CCSER1: variants seen among roughly 807,000 people sequenced by gnomAD.
CCSER1 encodes serine-rich coiled-coil domain-containing protein 1.
A neutral mutation model predicts 82.0 loss-of-function variants in CCSER1; 41 were observed. The ratio of observed to expected loss-of-function variants is 0.50; its 90% confidence interval spans 0.39 to 0.65. The LOEUF is 0.65. CCSER1 is among the 30% of genes least tolerant of loss of function. The pLI, the probability that CCSER1 is intolerant of heterozygous loss-of-function variation, is 0.00. For synonymous variants in CCSER1, 414 were observed against 383.9 expected, an observed-to-expected ratio of 1.08 and a Z score of -0.92; for missense variants, 1,119 against 1,064.2, an observed-to-expected ratio of 1.05 and a Z score of -0.72.
Position 90,985,769 on chromosome 4 carries a change from G to A in CCSER1, c.2172+62322G>A, listed in dbSNP as rs184499069. On this transcript the variant is annotated intron_variant, in intron 9 of 10. Transcript: ENST00000509176. ...AATTTTCTCCCTGCAACTAATGACC[G>A]CCCACTTGTATTTTAGGAATGTGTT... 1.2e-4 allele frequency among the ~76,000 whole-genome samples: 18 copies of A among 151,374 alleles called. No individual in the cohort carries two copies. The East Asian group carries it at 1.8e-3, about 15-fold the overall frequency.
In CCSER1 at chr4:90,536,051, G is replaced by C. The variant is rs1340464886; in HGVS notation, c.1724+67697G>C. Among the ~76,000 whole-genome samples the C allele has an allele frequency of 3.0e-4, 8 of 26,408 alleles. No homozygotes were observed. In the East Asian group the frequency reaches 6.3e-3, roughly 21 times the overall value. The allele number at this position is 26,408 out of a possible 152,430, so 17.3% of individuals were successfully genotyped here. On this transcript the variant is annotated intron_variant, in intron 5 of 10. Transcript: ENST00000509176. ...TTTCTGTTTTTTTTTTTTTTTTTTT[G>C]AGACGGAGTCTTGCTTTGTCGCCCA...
chr4:90,472,123 C>T (rs1304710227), intron 5 of CCSER1, among the ~76,000 whole-genome samples: 1 of 152,138 alleles, frequency 6.6e-6, no homozygotes, highest in Non-Finnish European at 1.5e-5. Context: ...TTGAATTTTA[C>T]AGTCTTCACA....
intron 4 of CCSER1, among the ~76,000 whole-genome samples, chr4:90,411,605 A>G (rs1327292124): frequency 1.3e-5 from 2 of 152,244 alleles, no homozygotes; most frequent in Non-Finnish European, 2.9e-5. Flanking sequence ...TAAATTAGGT[A>G]TTGATGGGAT....
intron 4 of CCSER1, among the ~76,000 whole-genome samples, chr4:90,467,209 AC>A (rs2153587423): frequency 6.6e-6 from 1 of 152,058 alleles, no homozygotes; most frequent in Admixed American, 6.6e-5. Context: ...ACATGGTGAA[AC>A]CCCGTCTCTA....
At chr4:90,935,206 T>C (rs1042239699) in intron 9 of CCSER1, among the ~76,000 whole-genome samples, 39 of 152,138 alleles carry the variant, frequency 2.6e-4, no homozygotes, top group African/African-American at 9.4e-4. Flanking sequence ...AGATGGGGTT[T>C]AATGGGAGAA....
chr4:90,962,842 A>T (rs998998049), intron 9 of CCSER1, among the ~76,000 whole-genome samples: 1 of 152,118 alleles, frequency 6.6e-6, no homozygotes, highest in Non-Finnish European at 1.5e-5. Flanking sequence ...CTATTTTAAT[A>T]TTCATTTATT....
intron 10 of CCSER1, among the ~76,000 whole-genome samples, chr4:91,454,869 C>T (rs1289611785): frequency 6.6e-6 from 1 of 151,802 alleles, no homozygotes; most frequent in Non-Finnish European, 1.5e-5. Context: ...TTCCCTTGTT[C>T]TAACCCTTTT....
intron 1 of CCSER1, among the ~76,000 whole-genome samples, chr4:90,228,673 G>A (rs1005657793): frequency 1.1e-4 from 16 of 152,142 alleles, no homozygotes; most frequent in African/African-American, 2.7e-4. Flanking sequence ...AAATTACTCC[G>A]AGCTACAGGA....
intron 3 of CCSER1, among the ~76,000 whole-genome samples, chr4:90,355,691 C>G (rs183591625): frequency 5.9e-5 from 9 of 152,034 alleles, no homozygotes; most frequent in Non-Finnish European, 1.5e-5. Flanking sequence ...GTCTATTACT[C>G]TTCTTAATCT....
At chr4:90,533,393 CCT>C (rs545767846) in intron 5 of CCSER1, among the ~76,000 whole-genome samples, 9 of 152,166 alleles carry the variant, frequency 5.9e-5, no homozygotes, top group Non-Finnish European at 1.0e-4. Context: ...CTGCTCCTGG[CCT>C]CTCTCTGTTT....
Position 90,702,692 on chromosome 4 carries a change from T to C in CCSER1, c.1933-21222T>C, listed in dbSNP as rs151028891. On this transcript the variant is annotated intron_variant, in intron 6 of 10. Coordinates refer to ENST00000509176, the MANE Select transcript of CCSER1 (RefSeq NM_001145065.2). ...TAACGGATTCAACTTATTCCTGGTT[T>C]AGTCTTGGGAGGGTGTATGTGTCCA... Among the ~76,000 whole-genome samples the C allele has an allele frequency of 4.9e-3, 748 of 152,318 alleles. 7 individuals carry two copies. The highest frequency in any genetic ancestry group is 0.017 in the African/African-American group (710 of 41,564).
intron 10 of CCSER1, among the ~76,000 whole-genome samples, chr4:91,411,491 C>CATAT (rs770013398): frequency 0.04 from 2,116 of 53,452 alleles, 130 homozygotes; most frequent in East Asian, 0.1. Flanking sequence ...TGCATATATA[C>CATAT]ATATATATAT....
intron 1 of CCSER1, among the ~76,000 whole-genome samples, chr4:90,276,251 TTTCC>T (rs1225474182): frequency 0.024 from 1,824 of 76,044 alleles, 111 homozygotes; most frequent in Middle Eastern, 0.026. Context: ...TCTTTCTTTC[TTTCC>T]TTCCTTCCTT....
intron 10 of CCSER1, among the ~76,000 whole-genome samples, chr4:91,400,207 T>C (rs1423089362): frequency 2.6e-5 from 4 of 151,968 alleles, no homozygotes; most frequent in Non-Finnish European, 4.4e-5. Context: ...TCTTGCTTGG[T>C]TTTTCAGATT....
intron 6 of CCSER1, among the ~76,000 whole-genome samples, chr4:90,645,750 C>G (rs1452630259): frequency 6.6e-6 from 1 of 152,102 alleles, no homozygotes; most frequent in Non-Finnish European, 1.5e-5. Context: ...GCCCTTACTG[C>G]TTTTTAAACC....
chr4:91,219,467 C>A (rs1327976801), intron 10 of CCSER1, among the ~76,000 whole-genome samples: 1 of 152,000 alleles, frequency 6.6e-6, no homozygotes, highest in Non-Finnish European at 1.5e-5. Context: ...CGCCTGCCAC[C>A]ACACCTGGCT....
intron 10 of CCSER1, among the ~76,000 whole-genome samples, chr4:91,236,221 C>T (rs1427644636): frequency 6.6e-6 from 1 of 152,176 alleles, no homozygotes; most frequent in Non-Finnish European, 1.5e-5. Flanking sequence ...GGCGCAGTGG[C>T]TCACGCCTGT....
intron 1 of CCSER1, among the ~76,000 whole-genome samples, chr4:90,165,691 A>G (rs1427051194): frequency 1.3e-5 from 2 of 152,090 alleles, no homozygotes; most frequent in Non-Finnish European, 1.5e-5. Context: ...TGTCATACAT[A>G]CTAAGAAGGA....
intron 3 of CCSER1, among the ~76,000 whole-genome samples, chr4:90,354,782 A>T (rs1387348954): frequency 6.7e-6 from 1 of 148,308 alleles, no homozygotes; most frequent in African/African-American, 2.5e-5. Context: ...TTCAAATAGA[A>T]TTTAGATAAC....
Sources: allele counts gnomAD v4.1 joint callset (sites outside exome capture counted in the v4.1 genomes callset), GRCh38; gene constraint gnomAD v4.1.1; transcripts MANE v1.5; gene names NCBI Gene and HGNC (gene_info 2026-07-23, HGNC 2026-07-21).